TRIO: variants seen among roughly 807,000 people sequenced by gnomAD.
TRIO encodes triple functional domain protein.
A neutral mutation model predicts 351.9 loss-of-function variants in TRIO; 58 were observed. The ratio of observed to expected loss-of-function variants is 0.16; its 90% CI spans 0.13 to 0.21. The LOEUF is 0.21. TRIO is among the 10% of genes least tolerant of loss of function. TRIO has a pLI of 1.00. For missense variants in TRIO, 3,201 were observed against 4,027.8 expected, an observed-to-expected ratio of 0.79 and a Z score of 5.56; for synonymous variants, 1,758 against 1,595.7, an observed-to-expected ratio of 1.10 and a Z score of -2.42.
At chr5:14,383,634 T>G (rs1490919766) in intron 21 of TRIO, among the ~76,000 whole-genome samples, 3 of 152,192 alleles carry the variant, frequency 2.0e-5, no homozygotes, top group Non-Finnish European at 4.4e-5. Context: ...AACTGTTTCT[T>G]TTGTTGGGTT....
intron 1 of TRIO, among the ~76,000 whole-genome samples, chr5:14,229,434 G>A (rs936946594): frequency 6.6e-6 from 1 of 152,232 alleles, no homozygotes; most frequent in Non-Finnish European, 1.5e-5. Flanking sequence ...CTGTTGTAAG[G>A]CCTGGAGGAG....
intron 1 of TRIO, among the ~76,000 whole-genome samples, chr5:14,204,499 C>G (rs1399465053): frequency 1.3e-5 from 2 of 152,122 alleles, no homozygotes; most frequent in African/African-American, 4.8e-5. Context: ...GGACCACATA[C>G]TAACATTGTA....
intron 11 of TRIO, among the ~76,000 whole-genome samples, chr5:14,339,046 A>G (rs1741693626): frequency 6.6e-6 from 1 of 152,170 alleles, no homozygotes; most frequent in African/African-American, 2.4e-5. Context: ...ACTGGAAGGA[A>G]AGTGCTTTTT....
chr5:14,487,504 GGGCGGCGGCGGC>G lies in TRIO; in HGVS notation c.6883_6894del (p.Gly2295_Gly2298del), dbSNP rs749785358. ...TCGAGTACCAGAGGAACCACAGCGG[GGGCGGCGGCGGC>G]GGCGGCAGCGGGGGCAGCGGCGGGG... On this transcript the variant is annotated inframe_deletion, in exon 48 of 57. Transcript: ENST00000344204. The G allele has an allele frequency of 8.3e-6, 9 of 1,083,304 alleles. No individual in the cohort carries two copies. The highest frequency in any genetic ancestry group is 1.0e-5 in the Non-Finnish European group (9 of 876,604). The allele number at this position is 1,083,304 out of a possible 1,614,324, so 67.1% of individuals were successfully genotyped here.
At chr5:14,147,244 T>TTGCC (rs932931940) in intron 1 of TRIO, among the ~76,000 whole-genome samples, 7 of 152,188 alleles carry the variant, frequency 4.6e-5, no homozygotes, top group African/African-American at 1.7e-4. Flanking sequence ...GTTTCATGAC[T>TTGCC]TGCCCCCCAG....
rs1744463634 is a variant in TRIO, at chr5:14,364,883, G to A, written c.2754+67G>A. The A allele has an allele frequency of 5.3e-6, 8 of 1,517,686 alleles. No homozygotes were observed. The Admixed American group carries it at 1.7e-4, about 32-fold the overall frequency. The allele number at this position is 1,517,686 out of a possible 1,614,324, so 94.0% of individuals were successfully genotyped here. A position where few individuals can be genotyped will look rare whatever the true frequency, so the allele number is the denominator to read the frequency against. On this transcript the variant is annotated intron_variant, in intron 15 of 56. Coordinates refer to ENST00000344204, the MANE Select transcript of TRIO (RefSeq NM_007118.4). Reference sequence around the variant, plus strand: ...TGCTTGATACCTCATCGACTTCCCGGAAATTCTGACCTGTAGCATTGGGAA... The same window carrying A: ...TGCTTGATACCTCATCGACTTCCCGAAAATTCTGACCTGTAGCATTGGGAA...
intron 31 of TRIO, among the ~76,000 whole-genome samples, chr5:14,403,221 TGG>T (rs1748280912): frequency 1.0e-5 from 1 of 97,300 alleles, no homozygotes; most frequent in African/African-American, 3.5e-5. Flanking sequence ...GTGCAGGTTG[TGG>T]TGAGGGTGTA....
chr5:14,359,671 G>T (rs1743960694), intron 13 of TRIO, 140 bp downstream of exon 13: 1 of 1,065,390 alleles, frequency 9.4e-7, no homozygotes, highest in Non-Finnish European at 1.3e-6. Flanking sequence ...GAGGGGGTGT[G>T]GGAGGGAGAG....
At chr5:14,437,145 C>T (rs1373605298) in intron 34 of TRIO, among the ~76,000 whole-genome samples, 3 of 152,162 alleles carry the variant, frequency 2.0e-5, no homozygotes, top group African/African-American at 4.8e-5. Flanking sequence ...ATTATTTGTT[C>T]CATCCTATTC....
intron 25 of TRIO, among the ~76,000 whole-genome samples, chr5:14,389,750 G>T (rs191631131): frequency 1.2e-3 from 187 of 152,286 alleles, no homozygotes; most frequent in Non-Finnish European, 2.1e-3. Flanking sequence ...TATGCTGTTT[G>T]CTCTCTTATA....
chr5:14,243,137 G>A (rs978228132), intron 1 of TRIO, among the ~76,000 whole-genome samples: 8 of 152,038 alleles, frequency 5.3e-5, no homozygotes, highest in Non-Finnish European at 1.5e-5. Context: ...GAAGAATTCC[G>A]GGCACTCCCA....
At chr5:14,208,169 A>G (rs1035083168) in intron 1 of TRIO, among the ~76,000 whole-genome samples, 5 of 132,624 alleles carry the variant, frequency 3.8e-5, no homozygotes, top group Non-Finnish European at 5.1e-5. Context: ...CTCCTTCTAA[A>G]TAAATGAAAA....
At chr5:14,340,270 G>A (rs940135470) in intron 11 of TRIO, among the ~76,000 whole-genome samples, 10 of 151,990 alleles carry the variant, frequency 6.6e-5, no homozygotes, top group East Asian at 3.9e-4. Context: ...GGTGGCGGGC[G>A]CCTGTAGTCC....
At chr5:14,411,385 T>C (rs1403627223) in intron 33 of TRIO, among the ~76,000 whole-genome samples, 1 of 152,140 alleles carries the variant, frequency 6.6e-6, no homozygotes, top group Middle Eastern at 3.4e-3. Context: ...GAGGCCAACA[T>C]GGAAAAATGG....
intron 7 of TRIO, chr5:14,297,555 C>T (rs1311017117): frequency 3.8e-6 from 1 of 264,374 alleles, no homozygotes; most frequent in Non-Finnish European, 7.3e-6. Context: ...CTACACAGTG[C>T]CCGGCACAGT....
At chr5:14,485,737 G>A (rs569810154) in intron 47 of TRIO, among the ~76,000 whole-genome samples, 162 of 152,312 alleles carry the variant, frequency 1.1e-3, no homozygotes, top group Admixed American at 1.8e-3. Context: ...TATAATCCCA[G>A]CACTTTGGGA....
At chr5:14,427,959 C>G (rs952723363) in intron 34 of TRIO, among the ~76,000 whole-genome samples, 2 of 152,188 alleles carry the variant, frequency 1.3e-5, no homozygotes, top group Non-Finnish European at 2.9e-5. Context: ...AGGTTCTTCT[C>G]TACCTTTGCA....
chr5:14,502,048 A>G (rs1757331185), intron 53 of TRIO, among the ~76,000 whole-genome samples: 1 of 152,206 alleles, frequency 6.6e-6, no homozygotes, highest in South Asian at 2.1e-4. Flanking sequence ...TTTGTAGTGT[A>G]TTTATGATTC....
At chr5:14,355,702 T>A (rs1270032201) in intron 11 of TRIO, among the ~76,000 whole-genome samples, 4 of 152,242 alleles carry the variant, frequency 2.6e-5, no homozygotes, top group Non-Finnish European at 5.9e-5. Context: ...GCAACTGCCA[T>A]GTTCATGAGA....
Sources: allele counts gnomAD v4.1 joint callset (sites outside exome capture counted in the v4.1 genomes callset), GRCh38; gene constraint gnomAD v4.1.1; transcripts MANE v1.5; gene names NCBI Gene and HGNC (gene_info 2026-07-23, HGNC 2026-07-21).